Variants in ZNF397 observed in about 807,000 individuals in gnomAD.
ZNF397 encodes zinc finger protein 397.
ZNF397 carries 38 observed loss-of-function variants against 50.6 expected under a neutral mutation model. The observed-to-expected ratio is 0.75, with a 90% CI of 0.58 to 0.98. ZNF397 has a LOEUF of 0.98. Ranked by LOEUF, ZNF397 falls within the 50% of genes least tolerant of loss-of-function variation. The pLI is 0.00. For synonymous variants in ZNF397, 228 were observed against 215.2 expected, an observed-to-expected ratio of 1.06 and a Z score of -0.52; for missense variants, 624 against 624.1, an observed-to-expected ratio of 1.00 and a Z score of 0.00.
chr18:35,242,259 T>G (rs1912560901), intron 1 of ZNF397, 132 bp from the exon 2 acceptor site: 2 of 455,242 alleles, frequency 4.4e-6, no homozygotes, highest in African/African-American at 3.9e-5. Flanking sequence ...TATCATCACA[T>G]TATTGTTTTA....
At chr18:35,254,045 C>G, downstream of ZNF397, 1 of 1,614,180 alleles carries the variant, frequency 6.2e-7, no homozygotes, top group Non-Finnish European at 8.5e-7. Context: ...GAGCTTTTCC[C>G]TAGTGTCAAC....
At chr18:35,258,114 C>T (rs2043902777) in exon 6 of ZNF397, 1 of 682,274 alleles carries the variant, frequency 1.5e-6, no homozygotes, top group Admixed American at 2.1e-5. Context: ...CAATTTAAAC[C>T]TCATGACCTA....
At position 35,249,638 on chromosome 18, in the gene ZNF397, G is replaced by GTTC. The variant is rs1466256511; in HGVS notation, c.*3329_*3330insTCT. The stretch of plus-strand genomic sequence containing the variant: ...ACTGTATTCCAGCCTGGGTGACAGA[G>GTTC]TGAGACTGTGTCTCAAAAAAAAAAA... On this transcript the variant is annotated 3_prime_UTR_variant, in exon 4 of 4. Transcript: ENST00000330501. 1.3e-4 allele frequency: 14 copies of GTTC among 105,630 alleles called. No individual in the cohort carries two copies. The highest frequency in any genetic ancestry group is 0.022 in the Middle Eastern group (2 of 90). The allele number at this position is 105,630 out of a possible 1,614,324, so 6.5% of individuals were successfully genotyped here. A position where few individuals can be genotyped will look rare whatever the true frequency, so the allele number is the denominator to read the frequency against.
rs200069814 is a variant in ZNF397 at position 35,246,165 on chromosome 18, G to A, written c.1460G>A (p.Gly487Asp). The change falls in exon 4 of 4, where the codon GGC (glycine) becomes GAC (aspartate). Residue 487 changes from glycine to aspartate, a missense_variant. Physicochemically the swap from Gly to Asp is moderately conservative, Grantham distance 94. Coordinates refer to ENST00000330501, the MANE Select transcript of ZNF397 (RefSeq NM_001135178.3). ...GAACCTTATCAGTGTAATGAATGTG[G>A]CAAAACTTTCAAAAGGAGCTCAGCC... ...GEEPYQCNECGKTFKRSSALV... is the reference protein window; with the variant it reads ...GEEPYQCNECDKTFKRSSALV... The A allele has an allele frequency of 5.9e-4, 911 of 1,551,956 alleles. 3 individuals are homozygous for A. The highest frequency in any genetic ancestry group is 7.2e-4 in the Non-Finnish European group (824 of 1,147,074).
Position 35,246,362 on chromosome 18 carries a change from T to A in ZNF397, c.*52T>A. ...TACTTCAGTCAGATTTTTAAGTTTG[T>A]TAGTCAAAAGAGTTTACTTTGGAGC... On this transcript the variant is annotated 3_prime_UTR_variant, in exon 4 of 4. Transcript: ENST00000330501. 1 of 1,471,928 alleles carries A rather than the reference T, an allele frequency of 6.8e-7. No individual in the cohort carries two copies. The highest frequency in any genetic ancestry group is 9.0e-7 in the Non-Finnish European group (1 of 1,112,890). The allele number at this position is 1,471,928 out of a possible 1,614,324, so 91.2% of individuals were successfully genotyped here. A position where few individuals can be genotyped will look rare whatever the true frequency, so the allele number is the denominator to read the frequency against.
chr18:35,250,585 T>A (rs754376284), downstream of ZNF397, among the ~76,000 whole-genome samples: 15 of 152,212 alleles, frequency 9.9e-5, no homozygotes, highest in South Asian at 1.2e-3. Flanking sequence ...CTGCAACTAA[T>A]ACATCCAGCT....
rs1445125967 is a variant in ZNF397, at chr18:35,246,291, G to T, written c.1586G>T (p.Arg529Ile). 1 of 1,547,496 alleles carries T rather than the reference G, an allele frequency of 6.5e-7. No homozygotes were observed. Among genetic ancestry groups the T allele is most frequent in the Admixed American group, 2.0e-5 (1 of 49,772 alleles). The change falls in exon 4 of 4, where the codon AGA (arginine) becomes ATA (isoleucine). Residue 529 changes from arginine to isoleucine, a missense_variant. By Grantham distance (97) the Arg-to-Ile change is moderately conservative (BLOSUM62 -3). Coordinates refer to ENST00000330501, the MANE Select transcript of ZNF397 (RefSeq NM_001135178.3). ...AGATCGGTCCTTATGCGCCATCAAA[G>T]AGTCCACACTATAAAGTAATTTGTG... The part of the protein sequence containing the change: ...RHRSVLMRHQ[R>I]VHTIK
At position 35,241,093 on chromosome 18, in the gene ZNF397, C is replaced by G. The variant is rs1302531844; in HGVS notation, c.-97C>G. ...CGGGGTGGGTGGCTCATTTCCTGGC[C>G]GCTCCTGGGCTTCGCGGTGAGGGAC... On this transcript the variant is annotated 5_prime_UTR_variant, in exon 1 of 4. Transcript: ENST00000330501. The G allele has an allele frequency of 1.3e-5, 2 of 152,298 alleles. No homozygotes were observed. The highest frequency in any genetic ancestry group is 3.9e-4 in the East Asian group (2 of 5,180). The allele number at this position is 152,298 out of a possible 1,614,324, so 9.4% of individuals were successfully genotyped here. A position where few individuals can be genotyped will look rare whatever the true frequency, so the allele number is the denominator to read the frequency against.
Position 35,248,091 on chromosome 18 carries a change from T to TG in ZNF397, c.*1782dup, listed in dbSNP as rs1219918506. The TG allele has an allele frequency of 6.6e-6, 1 of 152,224 alleles. No individual in the cohort carries two copies. The highest frequency in any genetic ancestry group is 2.4e-5 in the African/African-American group (1 of 41,448). 9.4% of individuals were successfully genotyped at this position (152,224 alleles called of 1,614,324 possible). A position where few individuals can be genotyped will look rare whatever the true frequency, so the allele number is the denominator to read the frequency against. ...AGCAGGAAGAGAATATTTAGACTGA[T>TG]GCTTAGTGTAAGAAGGAATGTTGTA... is the stretch of plus-strand genomic sequence containing the variant. On this transcript the variant is annotated 3_prime_UTR_variant, in exon 4 of 4. Transcript: ENST00000330501.
chr18:35,242,760 AG>A lies in ZNF397; in HGVS notation c.291del (p.Gln97HisfsTer3), dbSNP rs754208043. ...EQILELLVLE[Q>X]FLSILPEELQ... ...ATCTTAGAACTGCTGGTACTGGAGCAGTTCCTGAGCATTCTGCCTGAGGAGC... is the reference window on the plus strand; with the variant it reads ...ATCTTAGAACTGCTGGTACTGGAGCATTCCTGAGCATTCTGCCTGAGGAGC... On this transcript the variant is annotated frameshift_variant, in exon 2 of 4. Transcript: ENST00000330501. LOFTEE classifies it high-confidence loss of function. 1.2e-6 allele frequency: 2 copies of A among 1,614,232 alleles called. No individual in the cohort carries two copies. The highest frequency in any genetic ancestry group is 1.1e-5 in the South Asian group (1 of 91,090).
downstream of ZNF397, chr18:35,251,303 C>G (rs187498979): frequency 4.6e-5 from 7 of 152,226 alleles, no homozygotes; most frequent in South Asian, 1.4e-3. Context: ...CCAACACTTA[C>G]AATTCACAAT....
At chr18:35,254,529 A>G, downstream of ZNF397, 1 of 1,499,190 alleles carries the variant, frequency 6.7e-7, no homozygotes, top group South Asian at 1.2e-5. Context: ...AATTCAGAGA[A>G]GTGGCCTGGG....
chr18:35,242,715 A>C lies in ZNF397; in HGVS notation c.245A>C (p.Glu82Ala). Residue 82 changes from glutamate (E) to alanine (A), a missense_variant, in exon 2 of 4, where the codon GAG (glutamate) becomes GCG (alanine). Transcript: ENST00000330501. The part of the protein sequence containing the change: ...QELCYQWLMP[E>A]LHTKEQILEL... ...CTTTGCTATCAGTGGCTAATGCCAG[A>C]GTTGCACACAAAGGAGCAGATCTTA... 2.5e-6 allele frequency: 4 copies of C among 1,614,236 alleles called. No individual in the cohort carries two copies. The highest frequency in any genetic ancestry group is 3.4e-6 in the Non-Finnish European group (4 of 1,180,044).
At position 35,249,647 on chromosome 18, in the gene ZNF397, T is replaced by G. The variant is rs1347271972; in HGVS notation, c.*3337T>G. On this transcript the variant is annotated 3_prime_UTR_variant, in exon 4 of 4. Transcript: ENST00000330501. ...CAGCCTGGGTGACAGAGTGAGACTG[T>G]GTCTCAAAAAAAAAAAAAAAAAAAA... The G allele has an allele frequency of 1.2e-5, 1 of 84,930 alleles. No homozygotes were observed. Among genetic ancestry groups the G allele is most frequent in the Non-Finnish European group, 2.1e-5 (1 of 47,868 alleles). The allele number at this position is 84,930 out of a possible 1,614,324, so 5.3% of individuals were successfully genotyped here.
chr18:35,245,052 C>T (rs1006956430), intron 3 of ZNF397, among the ~76,000 whole-genome samples: 1 of 151,968 alleles, frequency 6.6e-6, no homozygotes, highest in Non-Finnish European at 1.5e-5. Context: ...CAGTTGATGT[C>T]TCAAAAGAGG....
chr18:35,242,902 T>C lies in ZNF397; in HGVS notation c.414+18T>C. The C allele has an allele frequency of 6.3e-7, 1 of 1,578,310 alleles. No individual in the cohort carries two copies. Among genetic ancestry groups the C allele is most frequent in the Non-Finnish European group, 8.6e-7 (1 of 1,163,900 alleles). On this transcript the variant is annotated intron_variant, in intron 2 of 3. Transcript: ENST00000330501. ...GGCAGCAGGTGGGAACGGAGAAAAGTGATGTGGGAAAAGGAATTTACAGCC... is the reference window on the plus strand; with the variant it reads ...GGCAGCAGGTGGGAACGGAGAAAAGCGATGTGGGAAAAGGAATTTACAGCC...
At position 35,245,658 on chromosome 18, in the gene ZNF397, G is replaced by C; in HGVS notation, c.953G>C (p.Cys318Ser). 1 of 1,553,902 alleles carries C rather than the reference G, an allele frequency of 6.4e-7. No homozygotes were observed. The highest frequency in any genetic ancestry group is 8.7e-7 in the Non-Finnish European group (1 of 1,148,194). ...GAAAAGCCCTATAAATGTAACCAGTGTGGGAAGGCCTTTAGTTTGAGGTCC... is the reference window on the plus strand; with the variant it reads ...GAAAAGCCCTATAAATGTAACCAGTCTGGGAAGGCCTTTAGTTTGAGGTCC... ...TGEKPYKCNQ[C>S]GKAFSLRSYL... Residue 318 changes from cysteine (C) to serine (S), a missense_variant, in exon 4 of 4, where the codon TGT becomes TCT. Physicochemically the swap from Cys to Ser is moderately radical, Grantham distance 112. Transcript: ENST00000330501.
Position 35,245,640 on chromosome 18 carries a change from C to T in ZNF397, c.935C>T (p.Pro312Leu). Residue 312 changes from proline (P) to leucine (L), a missense_variant, in exon 4 of 4, where the codon CCC becomes CTC. Pro to Leu is a moderately conservative substitution (Grantham distance 98). Transcript: ENST00000330501. ...CAGAGAATCCATACTGGAGAAAAGC[C>T]CTATAAATGTAACCAGTGTGGGAAG... Reference protein sequence around the residue: ...QHQRIHTGEKPYKCNQCGKAF... With the variant: ...QHQRIHTGEKLYKCNQCGKAF... The T allele has an allele frequency of 6.4e-7, 1 of 1,554,482 alleles. No individual in the cohort carries two copies. Among genetic ancestry groups the T allele is most frequent in the Non-Finnish European group, 8.7e-7 (1 of 1,148,524 alleles).
At position 35,247,071 on chromosome 18, in the gene ZNF397, G is replaced by C; in HGVS notation, c.*761G>C. 1.0e-6 allele frequency: 1 copy of C among 983,294 alleles called. No homozygotes were observed. Among genetic ancestry groups the C allele is most frequent in the Non-Finnish European group, 1.2e-6 (1 of 827,962 alleles). The allele number at this position is 983,294 out of a possible 1,614,324, so 60.9% of individuals were successfully genotyped here. Reference sequence around the variant, plus strand: ...TTAGCCAAGGTGGTACTCTAGGGAAGTGGTACCCCAGTAAAGAACAGTAGC... The same window carrying C: ...TTAGCCAAGGTGGTACTCTAGGGAACTGGTACCCCAGTAAAGAACAGTAGC... On this transcript the variant is annotated 3_prime_UTR_variant, in exon 4 of 4. Transcript: ENST00000330501.
Sources: allele counts gnomAD v4.1 joint callset (sites outside exome capture counted in the v4.1 genomes callset), GRCh38; gene constraint gnomAD v4.1.1; transcripts MANE v1.5; gene names NCBI Gene and HGNC (gene_info 2026-07-23, HGNC 2026-07-21).